ULK4: variants seen among roughly 807,000 people sequenced by gnomAD.
ULK4 encodes the protein unc-51 like kinase 4.
Under a neutral mutation model 160.6 loss-of-function variants are expected in ULK4, and 133 were observed. The ratio of observed to expected loss-of-function variants is 0.83; its 90% confidence interval spans 0.72 to 0.96. ULK4 has a LOEUF of 0.96. Among genes scored for constraint, ULK4 ranks in the 40% least tolerant of loss-of-function variants. The probability of loss-of-function intolerance (pLI) is 0.00; values close to 1 mark genes in which losing one functional copy is unlikely to be tolerated. For synonymous variants in ULK4, 534 were observed against 539.8 expected (o/e 0.99, Z 0.15); for missense variants, 1,580 against 1,499.5 (o/e 1.05, Z -0.89).
intron 2 of ULK4, among the ~76,000 whole-genome samples, chr3:41,946,453 T>C (rs958488263): frequency 6.6e-6 from 1 of 152,164 alleles, no homozygotes; most frequent in Non-Finnish European, 1.5e-5. Context: ...TTGATTTGGA[T>C]ATTACATGAC....
intron 35 of ULK4, among the ~76,000 whole-genome samples, chr3:41,368,458 ACAAT>A (rs1327250660): frequency 6.6e-6 from 1 of 152,220 alleles, no homozygotes; most frequent in Non-Finnish European, 1.5e-5. Context: ...AATCATCACC[ACAAT>A]CAATTTTAGA....
At chr3:41,360,428 A>T (rs1316534366) in intron 35 of ULK4, among the ~76,000 whole-genome samples, 2 of 152,208 alleles carry the variant, frequency 1.3e-5, no homozygotes, top group Non-Finnish European at 2.9e-5. Flanking sequence ...ATATACCTAA[A>T]GGAATAGAAA....
chr3:41,645,974 G>T (rs1307548291), intron 30 of ULK4, among the ~76,000 whole-genome samples: 4 of 152,082 alleles, frequency 2.6e-5, no homozygotes, highest in African/African-American at 7.2e-5. Context: ...TTTGATCTTT[G>T]TTGGTTTAAA....
intron 15 of ULK4, among the ~76,000 whole-genome samples, chr3:41,896,581 C>G (rs1336091487): frequency 3.9e-5 from 6 of 152,086 alleles, no homozygotes; most frequent in African/African-American, 1.4e-4. Flanking sequence ...TTAAATCTTA[C>G]AAGTTAACAT....
rs1274776188 is a variant in ULK4, at chr3:41,652,365, T to A, written c.3071+11242A>T. ...TTAGGTTGGTGTTTTTCTACAATCC[T>A]ATCAGAAAAACAATACTGGAGTGGA... On this transcript the variant is annotated intron_variant, in intron 30 of 36. Transcript: ENST00000301831. Among the ~76,000 whole-genome samples the A allele has an allele frequency of 3.3e-5, 5 of 152,226 alleles. No homozygotes were observed. In the East Asian group the frequency reaches 9.6e-4, roughly 29 times the overall value.
chr3:41,750,574 C>A (rs1288100035), intron 22 of ULK4, among the ~76,000 whole-genome samples: 4 of 152,190 alleles, frequency 2.6e-5, no homozygotes, highest in Non-Finnish European at 5.9e-5. Context: ...AATGCTATCC[C>A]TAGCAGAGGC....
chr3:41,272,581 GT>G (rs1265215641), intron 35 of ULK4, among the ~76,000 whole-genome samples: 1 of 140,020 alleles, frequency 7.1e-6, no homozygotes, highest in Non-Finnish European at 1.5e-5. Flanking sequence ...ATACCTTGGT[GT>G]ATTTTTTTTT....
At chr3:41,663,149 A>C (rs2035238983) in intron 30 of ULK4, among the ~76,000 whole-genome samples, 1 of 151,954 alleles carries the variant, frequency 6.6e-6, no homozygotes, top group East Asian at 1.9e-4. Context: ...TGAACCCAGG[A>C]GGTGGAGGTT....
rs745623739 is a variant in ULK4 at position 41,674,099 on chromosome 3, A to G, written c.2978+7409T>C. On this transcript the variant is annotated intron_variant, in intron 29 of 36. Coordinates refer to ENST00000301831, the MANE Select transcript of ULK4 (RefSeq NM_017886.4). ...AACTGCATATGCACAATCACACGAT[A>G]CAGTACTAATACAAATTATATTTAC... 7.5e-4 allele frequency among the ~76,000 whole-genome samples: 114 copies of G among 152,230 alleles called. 1 individual carries two copies. Among genetic ancestry groups the G allele is most frequent in the Non-Finnish European group, 3.2e-4 (22 of 68,038 alleles).
At chr3:41,327,545 A>G (rs1484805158) in intron 35 of ULK4, among the ~76,000 whole-genome samples, 8 of 152,158 alleles carry the variant, frequency 5.3e-5, no homozygotes, top group Admixed American at 5.2e-4. Flanking sequence ...GATTATTAAC[A>G]TAATTAACAC....
chr3:41,280,847 C>A (rs1402620469), intron 35 of ULK4, among the ~76,000 whole-genome samples: 2 of 151,580 alleles, frequency 1.3e-5, no homozygotes, highest in East Asian at 1.9e-4. Flanking sequence ...AAAAACCCTT[C>A]AAAAAAAATC....
At chr3:41,365,758 T>C (rs1438808362) in intron 35 of ULK4, among the ~76,000 whole-genome samples, 1 of 152,084 alleles carries the variant, frequency 6.6e-6, no homozygotes, top group African/African-American at 2.4e-5. Context: ...GAGTGTTTCA[T>C]TGCAAATACA....
At position 41,876,357 on chromosome 3, in the gene ULK4, C is replaced by A. The variant is rs571223847; in HGVS notation, c.1656+7517G>T. 5.9e-5 allele frequency among the ~76,000 whole-genome samples: 9 copies of A among 152,210 alleles called. No homozygotes were observed. In the South Asian group the frequency reaches 1.9e-3, roughly 32 times the overall value. On this transcript the variant is annotated intron_variant, in intron 17 of 36. Coordinates refer to ENST00000301831, the MANE Select transcript of ULK4 (RefSeq NM_017886.4). Reference sequence around the variant, plus strand: ...CTGATGCCATACCAAACTCAATAACCATTAATGTTAAAAACAAAGAGGAAA... The same window carrying A: ...CTGATGCCATACCAAACTCAATAACAATTAATGTTAAAAACAAAGAGGAAA...
At chr3:41,432,282 C>T (rs560756697) in intron 34 of ULK4, among the ~76,000 whole-genome samples, 1 of 152,234 alleles carries the variant, frequency 6.6e-6, no homozygotes, top group South Asian at 2.1e-4. Flanking sequence ...GATTATGTTA[C>T]CCATTAGCAC....
At chr3:41,409,490 G>A (rs2082367936) in intron 34 of ULK4, among the ~76,000 whole-genome samples, 1 of 151,584 alleles carries the variant, frequency 6.6e-6, no homozygotes, top group African/African-American at 2.4e-5. Flanking sequence ...ACCTAATAAG[G>A]GACTTGTATA....
Position 41,566,134 on chromosome 3 carries a change from C to A in ULK4, c.3121-4G>T, listed in dbSNP as rs1454525274. 1 of 1,606,106 alleles carries A rather than the reference C, an allele frequency of 6.2e-7. No individual in the cohort carries two copies. Among genetic ancestry groups the A allele is most frequent in the Non-Finnish European group, 8.5e-7 (1 of 1,175,272 alleles). Reference sequence around the variant, plus strand: ...CCAGAATGCTCTCCTGATGTTCCTGCAATAGATCATAATTTCCATCATAAC... The same window carrying A: ...CCAGAATGCTCTCCTGATGTTCCTGAAATAGATCATAATTTCCATCATAAC... On this transcript the variant is annotated splice_region_variant and splice_polypyrimidine_tract_variant and intron_variant, in intron 31 of 36. Transcript: ENST00000301831.
chr3:41,401,776 C>T (rs9824480), intron 34 of ULK4, among the ~76,000 whole-genome samples: 54,480 of 151,936 alleles, frequency 0.36, 10,536 homozygotes, highest in South Asian at 0.5. Flanking sequence ...ACAAGGGATA[C>T]ATTTGGCATA....
At chr3:41,839,245 C>CAGG (rs2041843382) in intron 17 of ULK4, among the ~76,000 whole-genome samples, 4 of 151,792 alleles carry the variant, frequency 2.6e-5, no homozygotes, top group Admixed American at 2.6e-4. Context: ...GAGGCCAAGG[C>CAGG]AGGAGAATCA....
At chr3:41,636,555 A>G (rs1351224517) in intron 30 of ULK4, among the ~76,000 whole-genome samples, 2 of 151,612 alleles carry the variant, frequency 1.3e-5, no homozygotes, top group Non-Finnish European at 2.9e-5. Context: ...AAAAAAGAAA[A>G]GAAGAGAAGA....
Sources: allele counts gnomAD v4.1 joint callset (sites outside exome capture counted in the v4.1 genomes callset), GRCh38; gene constraint gnomAD v4.1.1; transcripts MANE v1.5; gene names NCBI Gene and HGNC (gene_info 2026-07-23, HGNC 2026-07-21).